Variants in BMAL2 observed in about 807,000 individuals in gnomAD.
The protein encoded by BMAL2 is basic helix-loop-helix ARNT-like protein 2.
At chr12:27,417,625 G>A in the BMAL2 span, among the ~76,000 whole-genome samples, 2 of 152,228 alleles carry the variant, frequency 1.3e-5, no homozygotes, top group Non-Finnish European at 2.9e-5. Context: ...CATGGTCCTC[G>A]GGAAAAGCAA....
chr12:27,333,128 C>T, the BMAL2 span: 1 of 1,204,288 alleles, frequency 8.3e-7, no homozygotes, highest in Non-Finnish European at 1.0e-6. Flanking sequence ...GGCGAGGCGA[C>T]GGCCCCAGGT....
chr12:27,422,299 T>C, the BMAL2 span: 1 of 152,192 alleles, frequency 6.6e-6, no homozygotes, highest in Non-Finnish European at 1.5e-5. Context: ...TCCAGTTTCC[T>C]GTTCTATATG....
the BMAL2 span, among the ~76,000 whole-genome samples, chr12:27,415,395 A>AT: frequency 1.3e-5 from 2 of 152,072 alleles, no homozygotes; most frequent in Non-Finnish European, 2.9e-5. Flanking sequence ...TGTTTATGCC[A>AT]TTTTTTTCTC....
At chr12:27,404,963 G>C in the BMAL2 span, among the ~76,000 whole-genome samples, 1 of 152,198 alleles carries the variant, frequency 6.6e-6, no homozygotes, top group South Asian at 2.1e-4. Context: ...CCCATGCCTG[G>C]CTCGGAGGGT....
At chr12:27,416,029 A>G in the BMAL2 span, 2 of 997,324 alleles carry the variant, frequency 2.0e-6, no homozygotes, top group Non-Finnish European at 3.0e-6. Context: ...CTTTTAAGAA[A>G]AGAAGCCATT....
At chr12:27,395,364 A>G in the BMAL2 span, among the ~76,000 whole-genome samples, 1 of 152,110 alleles carries the variant, frequency 6.6e-6, no homozygotes, top group South Asian at 2.1e-4. Flanking sequence ...TTTTTCCTAG[A>G]TATGGGAGCT....
At chr12:27,337,155 C>G in the BMAL2 span, among the ~76,000 whole-genome samples, 1 of 151,632 alleles carries the variant, frequency 6.6e-6, no homozygotes, top group Non-Finnish European at 1.5e-5. Context: ...ACCATTACAG[C>G]GAGATTAAAA....
At chr12:27,333,269 G>T in the BMAL2 span, 4 of 653,610 alleles carry the variant, frequency 6.1e-6, no homozygotes, top group Non-Finnish European at 8.3e-6. Flanking sequence ...GGACAAGGCC[G>T]CCCCGTGGGG....
the BMAL2 span, chr12:27,370,371 A>G: frequency 1.6e-6 from 1 of 612,498 alleles, no homozygotes; most frequent in Non-Finnish European, 2.9e-6. Flanking sequence ...TCCTTCCTTT[A>G]TCCTACCAGA....
the BMAL2 span, among the ~76,000 whole-genome samples, chr12:27,356,986 T>C: frequency 1.3e-5 from 2 of 152,072 alleles, no homozygotes; most frequent in African/African-American, 2.4e-5. Context: ...TTCTCACTTA[T>C]GAGTGAGAAC....
chr12:27,417,493 G>A, the BMAL2 span, among the ~76,000 whole-genome samples: 1 of 152,140 alleles, frequency 6.6e-6, no homozygotes, highest in Non-Finnish European at 1.5e-5. Context: ...ACTTGAGTTA[G>A]AATCATGGCT....
chr12:27,422,064 GTAAT>G, the BMAL2 span: 6 of 152,224 alleles, frequency 3.9e-5, no homozygotes, highest in South Asian at 2.1e-4. Context: ...ATTTTTAACA[GTAAT>G]TAATCCAGAG....
the BMAL2 span, chr12:27,390,501 G>GA: frequency 1.2e-5 from 4 of 323,734 alleles, no homozygotes; most frequent in Non-Finnish European, 2.2e-5. Flanking sequence ...TATCAAGTGG[G>GA]AAAAAAATGA....
chr12:27,364,809 A>T, the BMAL2 span, among the ~76,000 whole-genome samples: 69 of 152,260 alleles, frequency 4.5e-4, no homozygotes, highest in African/African-American at 1.6e-3. Context: ...GATCTTTTAA[A>T]ATGTTTTAAA....
the BMAL2 span, chr12:27,420,520 G>T: frequency 6.3e-7 from 1 of 1,591,474 alleles, no homozygotes; most frequent in East Asian, 2.2e-5. Context: ...GTGACATCCA[G>T]TGGACCCTCT....
At chr12:27,374,830 A>G in the BMAL2 span, among the ~76,000 whole-genome samples, 1 of 152,366 alleles carries the variant, frequency 6.6e-6, no homozygotes, top group South Asian at 2.1e-4. Context: ...CTTCATCTGT[A>G]AAATGGGGGT....
the BMAL2 span, among the ~76,000 whole-genome samples, chr12:27,393,082 AC>A: frequency 6.6e-6 from 1 of 152,266 alleles, no homozygotes; most frequent in Admixed American, 6.5e-5. Context: ...AAGTAAACTT[AC>A]CCAGCCTTCT....
chr12:27,375,140 T>C, the BMAL2 span, among the ~76,000 whole-genome samples: 3 of 152,188 alleles, frequency 2.0e-5, no homozygotes, highest in Non-Finnish European at 4.4e-5. Context: ...CTGAAAAATA[T>C]TCATTGTTAA....
chr12:27,377,268 T>C, the BMAL2 span, among the ~76,000 whole-genome samples: 1 of 152,210 alleles, frequency 6.6e-6, no homozygotes, highest in Non-Finnish European at 1.5e-5. Context: ...TGGATAAATA[T>C]GCCTTTCCTT....
Sources: allele counts gnomAD v4.1 joint callset (sites outside exome capture counted in the v4.1 genomes callset), GRCh38; gene constraint gnomAD v4.1.1; transcripts MANE v1.5; gene names NCBI Gene and HGNC (gene_info 2026-07-23, HGNC 2026-07-21).